The following NT5C3A variants were observed in gnomAD, a reference collection of about 807,000 sequenced individuals.
The protein encoded by NT5C3A is 5'-nucleotidase, cytosolic IIIA, also known as cytosolic 5'-nucleotidase 3A.
A neutral mutation model predicts 40.0 loss-of-function variants in NT5C3A; 23 were observed. The observed-to-expected ratio is 0.58, with a 90% CI of 0.41 to 0.81. The LOEUF is 0.81. Among genes scored for constraint, NT5C3A ranks in the 40% least tolerant of loss-of-function variants. The pLI, the probability that NT5C3A is intolerant of heterozygous loss-of-function variation, is 0.00. For synonymous variants in NT5C3A, 130 were observed against 141.4 expected, an observed-to-expected ratio of 0.92 and a Z score of 0.57; for missense variants, 328 against 403.0, an observed-to-expected ratio of 0.81 and a Z score of 1.59.
intron 1 of NT5C3A, among the ~76,000 whole-genome samples, chr7:33,043,921 G>A (rs764985318): frequency 6.6e-6 from 1 of 152,082 alleles, no homozygotes; most frequent in Non-Finnish European, 1.5e-5. Context: ...AATTTTAAGA[G>A]AAAAATAATA....
In NT5C3A at chr7:33,014,314, C is replaced by T. The variant is rs1190907497; in HGVS notation, c.*416G>A. On this transcript the variant is annotated 3_prime_UTR_variant, in exon 9 of 9. Transcript: ENST00000610140. ...CAATTTCAAGAGATGGTGATACCATCAGCATAATAACCCAAATTACAAAAA... is the reference window on the plus strand; with the variant it reads ...CAATTTCAAGAGATGGTGATACCATTAGCATAATAACCCAAATTACAAAAA... The T allele has an allele frequency of 2.2e-6, 1 of 454,272 alleles. No individual in the cohort carries two copies. The highest frequency in any genetic ancestry group is 2.0e-5 in the African/African-American group (1 of 50,002). 28.1% of individuals were successfully genotyped at this position (454,272 alleles called of 1,614,324 possible). A position where few individuals can be genotyped will look rare whatever the true frequency, so the allele number is the denominator to read the frequency against.
intron 1 of NT5C3A, among the ~76,000 whole-genome samples, chr7:33,035,429 G>T (rs1786544129): frequency 6.6e-6 from 1 of 151,956 alleles, no homozygotes; most frequent in Admixed American, 6.6e-5. Context: ...TCCTGACCTG[G>T]TGATCCGCCC....
intron 1 of NT5C3A, among the ~76,000 whole-genome samples, chr7:33,046,272 C>T (rs1034694020): frequency 2.6e-5 from 4 of 152,138 alleles, no homozygotes; most frequent in Non-Finnish European, 4.4e-5. Flanking sequence ...GGCTGAGGCT[C>T]ACATCTGTAA....
intron 2 of NT5C3A, among the ~76,000 whole-genome samples, chr7:33,025,066 G>A (rs1404725058): frequency 3.9e-5 from 6 of 152,140 alleles, no homozygotes; most frequent in African/African-American, 1.4e-4. Context: ...TTGAACCTGG[G>A]AGGCGCAGGT....
At chr7:33,033,877 C>CATATATAT (rs1554291562) in intron 1 of NT5C3A, among the ~76,000 whole-genome samples, 10 of 125,966 alleles carry the variant, frequency 7.9e-5, no homozygotes, top group African/African-American at 2.5e-4. Flanking sequence ...ATATAAAAGA[C>CATATATAT]ATATATATAT....
In NT5C3A at chr7:33,016,373, CA is replaced by C. The variant is rs551075174; in HGVS notation, c.694-504del. Among the ~76,000 whole-genome samples the C allele has an allele frequency of 9.8e-3, 1,069 of 108,742 alleles. 4 individuals are homozygous for C. Among genetic ancestry groups the C allele is most frequent in the Middle Eastern group, 0.013 (2 of 152 alleles). The allele number at this position is 108,742 out of a possible 152,430, so 71.3% of individuals were successfully genotyped here. A position where few individuals can be genotyped will look rare whatever the true frequency, so the allele number is the denominator to read the frequency against. Reference sequence around the variant, plus strand: ...TGGGTGACAGAGTGAGACTCTGTCTCAAAAAAAAAAAAAGAAGGCCGGGCAC... The same window carrying C: ...TGGGTGACAGAGTGAGACTCTGTCTCAAAAAAAAAAAAGAAGGCCGGGCAC... On this transcript the variant is annotated intron_variant, in intron 7 of 8. Coordinates refer to ENST00000610140, the MANE Select transcript of NT5C3A (RefSeq NM_001002010.5).
At chr7:33,035,196 T>G (rs1309991343) in intron 1 of NT5C3A, among the ~76,000 whole-genome samples, 1 of 146,162 alleles carries the variant, frequency 6.8e-6, no homozygotes, top group Non-Finnish European at 1.5e-5. Context: ...TGAGTTTTTT[T>G]TTTTTTTTTT....
rs371473356 is a variant in NT5C3A at position 33,014,630 on chromosome 7, C to T, written c.*100G>A. 2,684 of 1,524,910 alleles carry T rather than the reference C, an allele frequency of 1.8e-3. 4 individuals carry two copies. Among genetic ancestry groups the T allele is most frequent in the African/African-American group, 5.7e-3 (413 of 72,878 alleles). 94.5% of individuals were successfully genotyped at this position (1,524,910 alleles called of 1,614,324 possible). On this transcript the variant is annotated 3_prime_UTR_variant, in exon 9 of 9. Coordinates refer to ENST00000610140, the MANE Select transcript of NT5C3A (RefSeq NM_001002010.5). ...CTTCAGTTATACAAAGGGAACACTT[C>T]GAGAGTAAGGATATATTATAAATAA...
chr7:33,062,345 A>G (rs1264440018), intron 1 of NT5C3A, among the ~76,000 whole-genome samples: 1 of 152,238 alleles, frequency 6.6e-6, no homozygotes, highest in African/African-American at 2.4e-5. Flanking sequence ...CAAGGGCCGC[A>G]GCCGGGGACC....
chr7:33,050,808 G>A (rs778764548), intron 1 of NT5C3A, among the ~76,000 whole-genome samples: 21 of 152,286 alleles, frequency 1.4e-4, no homozygotes, highest in Middle Eastern at 6.8e-3. Context: ...GGTTTAAATT[G>A]TATAGATTAA....
chr7:33,053,194 TG>T (rs1787440487), intron 1 of NT5C3A, among the ~76,000 whole-genome samples: 1 of 152,170 alleles, frequency 6.6e-6, no homozygotes, highest in South Asian at 2.1e-4. Context: ...TTTTTGTTTT[TG>T]TTTTTTTTCG....
intron 1 of NT5C3A, among the ~76,000 whole-genome samples, chr7:33,046,514 A>T (rs957906653): frequency 7.5e-6 from 1 of 134,214 alleles, no homozygotes; most frequent in Non-Finnish European, 1.6e-5. Flanking sequence ...AGCCTGTGTG[A>T]CAGGGGGAGG....
intron 1 of NT5C3A, chr7:33,029,580 T>G (rs1158694023): frequency 1.9e-6 from 2 of 1,048,238 alleles, no homozygotes; most frequent in South Asian, 2.6e-5. Context: ...GACTATTTTT[T>G]CACCAAAAAA....
chr7:33,015,874 T>C lies in NT5C3A; in HGVS notation c.694-4A>G. Reference sequence around the variant, plus strand: ...CTTTAAATCCTTTGAGCACCCCCTATGAAAAATATAAATCTTTTGAACAGG... The same window carrying C: ...CTTTAAATCCTTTGAGCACCCCCTACGAAAAATATAAATCTTTTGAACAGG... On this transcript the variant is annotated splice_polypyrimidine_tract_variant and splice_region_variant and intron_variant, in intron 7 of 8. Coordinates refer to ENST00000610140, the MANE Select transcript of NT5C3A (RefSeq NM_001002010.5). 1.9e-6 allele frequency: 3 copies of C among 1,587,620 alleles called. No homozygotes were observed. Among genetic ancestry groups the C allele is most frequent in the East Asian group, 2.2e-5 (1 of 44,680 alleles).
chr7:33,057,774 T>A lies in NT5C3A; in HGVS notation c.138+4794A>T, dbSNP rs553989405. Among the ~76,000 whole-genome samples, 28 of 152,282 alleles carry A rather than the reference T, an allele frequency of 1.8e-4. No individual in the cohort carries two copies. The South Asian group carries it at 3.5e-3, about 19-fold the overall frequency. On this transcript the variant is annotated intron_variant, in intron 1 of 8. Coordinates refer to ENST00000610140, the MANE Select transcript of NT5C3A (RefSeq NM_001002010.5). ...TTGACGTTAACAACAAAGCAATAAA[T>A]CGTTGAGAGATATATTTAAATTGGA...
intron 1 of NT5C3A, among the ~76,000 whole-genome samples, chr7:33,062,178 G>C (rs1260604953): frequency 6.6e-6 from 1 of 152,064 alleles, no homozygotes; most frequent in Non-Finnish European, 1.5e-5. Flanking sequence ...TCCGGGGGGA[G>C]GGCGGGAGCA....
rs1056685298 is a variant in NT5C3A, at chr7:33,028,926, G to A, written c.139-2011C>T. On this transcript the variant is annotated intron_variant, in intron 1 of 8. Coordinates refer to ENST00000610140, the MANE Select transcript of NT5C3A (RefSeq NM_001002010.5). ...AAAAATTAGCTGGGCGTGGTGGCGG[G>A]TGCCTGTAGTCCCAGCTAGTTGGGA... 2.0e-5 allele frequency among the ~76,000 whole-genome samples: 3 copies of A among 151,878 alleles called. 1 individual carries two copies. Among genetic ancestry groups the A allele is most frequent in the Admixed American group, 1.3e-4 (2 of 15,234 alleles).
intron 1 of NT5C3A, among the ~76,000 whole-genome samples, chr7:33,061,877 T>C (rs970252181): frequency 2.0e-5 from 3 of 152,192 alleles, no homozygotes; most frequent in Non-Finnish European, 4.4e-5. Flanking sequence ...TTACTTATAA[T>C]GTATCTCAAA....
chr7:33,019,702 G>T lies in NT5C3A; in HGVS notation c.463C>A (p.Leu155Ile). 1 of 1,605,644 alleles carries T rather than the reference G, an allele frequency of 6.2e-7. No individual in the cohort carries two copies. Residue 155 changes from leucine to isoleucine, a missense_variant, in exon 6 of 9, where the codon CTT (leucine) becomes ATT (isoleucine). Coordinates refer to ENST00000610140, the MANE Select transcript of NT5C3A (RefSeq NM_001002010.5). ...VEWYTKSHGL[L>I]VQQALPKAKL... is the part of the protein sequence containing the mutation. ...GCTTTTGGTAAAGCTTGCTGAACAA[G>T]CAAACCATGTGATTTAGTATACCTG...
Sources: allele counts gnomAD v4.1 joint callset (sites outside exome capture counted in the v4.1 genomes callset), GRCh38; gene constraint gnomAD v4.1.1; transcripts MANE v1.5; gene names NCBI Gene and HGNC (gene_info 2026-07-23, HGNC 2026-07-21).